The following CCNG2 variants were observed in gnomAD, a reference collection of about 807,000 sequenced individuals.
CCNG2 encodes cyclin G2.
CCNG2 carries 20 observed loss-of-function variants against 36.5 expected under a neutral mutation model. The ratio of observed to expected loss-of-function variants is 0.55; its 90% CI spans 0.39 to 0.80. CCNG2 has a LOEUF of 0.80. Among genes scored for constraint, CCNG2 ranks in the 30% least tolerant of loss-of-function variants. CCNG2 has a pLI of 0.00. For synonymous variants in CCNG2, 155 were observed against 140.1 expected, an observed-to-expected ratio of 1.11 and a Z score of -0.75; for missense variants, 358 against 390.8, an observed-to-expected ratio of 0.92 and a Z score of 0.71.
At position 77,169,171 on chromosome 4, in the gene CCNG2, A is replaced by G. The variant is rs1731705753; in HGVS notation, c.*3247A>G. 1 of 152,120 alleles carries G rather than the reference A, an allele frequency of 6.6e-6. No individual in the cohort carries two copies. The highest frequency in any genetic ancestry group is 2.1e-4 in the South Asian group (1 of 4,832). 9.4% of individuals were successfully genotyped at this position (152,120 alleles called of 1,614,324 possible). A position where few individuals can be genotyped will look rare whatever the true frequency, so the allele number is the denominator to read the frequency against. On this transcript the variant is annotated 3_prime_UTR_variant, in exon 8 of 8. Coordinates refer to ENST00000316355, the MANE Select transcript of CCNG2 (RefSeq NM_004354.3). ...AATTTTAACCATTTTCTTTGTCTAG[A>G]GTCTGCCTTTTTCTTTTTTACAATT...
At chr4:77,158,799 A>G in intron 2 of CCNG2, 129 bp downstream of exon 2, 3 of 860,608 alleles carry the variant, frequency 3.5e-6, no homozygotes, top group East Asian at 5.3e-5. Flanking sequence ...TGGAGTACCA[A>G]GATAAACCTT....
chr4:77,164,477 A>G lies in CCNG2; in HGVS notation c.909A>G (p.Glu303=). The G allele has an allele frequency of 6.2e-7, 1 of 1,612,690 alleles. No individual in the cohort carries two copies. Among genetic ancestry groups the G allele is most frequent in the Non-Finnish European group, 8.5e-7 (1 of 1,178,754 alleles). ...IPEGGCFDES[E]SEDSCEDMSC... is the part of the protein sequence containing the mutation. ...AGGGGGGTTGTTTTGATGAAAGTGAAAGGTAGGCAGGTTCCTTGACTAATT... is the reference window on the plus strand; with the variant it reads ...AGGGGGGTTGTTTTGATGAAAGTGAGAGGTAGGCAGGTTCCTTGACTAATT... The change falls in exon 7 of 8, where the codon GAA becomes GAG. Residue 303 remains glutamate, a splice_region_variant and synonymous_variant. Transcript: ENST00000316355.
At chr4:77,161,044 T>A in intron 4 of CCNG2, 73 bp downstream of exon 4, 1 of 1,127,424 alleles carries the variant, frequency 8.9e-7, no homozygotes, top group Non-Finnish European at 1.2e-6. Context: ...GGAATGGCAA[T>A]GAAATTTATA....
In CCNG2 at chr4:77,158,586, C is replaced by A; in HGVS notation, c.54C>A (p.Leu18=). The change falls in exon 2 of 8, where the codon CTC becomes CTA. Residue 18 remains leucine, a synonymous_variant. Transcript: ENST00000316355. ...HLAGHEGVQL[L]GLLNVYLEQE... ...CAGGTCATGAAGGGGTCCAACTTCT[C>A]GGGTTGTTGAACGTCTACCTGGAAC... 2 of 1,614,102 alleles carry A rather than the reference C, an allele frequency of 1.2e-6. No homozygotes were observed. The highest frequency in any genetic ancestry group is 1.7e-6 in the Non-Finnish European group (2 of 1,180,002).
chr4:77,160,930 G>T lies in CCNG2; in HGVS notation c.486G>T (p.Leu162Phe). The T allele has an allele frequency of 2.5e-6, 4 of 1,608,126 alleles. No homozygotes were observed. The highest frequency in any genetic ancestry group is 3.4e-6 in the Non-Finnish European group (4 of 1,178,808). The change falls in exon 4 of 8, where the codon TTG (leucine) becomes TTT (phenylalanine). Residue 162 changes from leucine (L) to phenylalanine (F), a missense_variant. By Grantham distance (22) the Leu-to-Phe change is conservative. Transcript: ENST00000316355. ...ELEATTALNFLHLYHTIILCH... is the reference protein window; with the variant it reads ...ELEATTALNFFHLYHTIILCH... The stretch of plus-strand genomic sequence containing the variant: ...AAGCTACTACTGCCTTAAACTTTTT[G>T]CACTTATACCATACTATTATACTTT...
chr4:77,165,849 C>T lies in CCNG2; in HGVS notation c.960C>T (p.Ser320=), dbSNP rs752638436. The stretch of plus-strand genomic sequence containing the variant: ...GTTGTGGAGAGGAGAGTCTCAGCAG[C>T]TCTCCTCCCAGTGATCAAGAGTGCA... ...DMSCGEESLS[S]SPPSDQECTF... The change falls in exon 8 of 8, where the codon AGC becomes AGT. Residue 320 remains serine (S), a synonymous_variant. Transcript: ENST00000316355. The T allele has an allele frequency of 4.3e-6, 7 of 1,611,034 alleles. No individual in the cohort carries two copies. The African/African-American group carries it at 8.0e-5, about 18-fold the overall frequency.
intron 6 of CCNG2, among the ~76,000 whole-genome samples, chr4:77,162,580 G>T (rs993880757): frequency 1.3e-5 from 2 of 151,848 alleles, no homozygotes; most frequent in Middle Eastern, 3.4e-3. Context: ...ATGGGGTTTC[G>T]CCATGTTGGC....
At position 77,166,948 on chromosome 4, in the gene CCNG2, A is replaced by G. The variant is rs1271909874; in HGVS notation, c.*1024A>G. On this transcript the variant is annotated 3_prime_UTR_variant, in exon 8 of 8. Coordinates refer to ENST00000316355, the MANE Select transcript of CCNG2 (RefSeq NM_004354.3). Reference sequence around the variant, plus strand: ...AAACTCTGTACATGTAAGATTTTGTACAGAGAATTTTTAACTTTATAAATT... The same window carrying G: ...AAACTCTGTACATGTAAGATTTTGTGCAGAGAATTTTTAACTTTATAAATT... 6.6e-6 allele frequency: 1 copy of G among 152,222 alleles called. No individual in the cohort carries two copies. The highest frequency in any genetic ancestry group is 1.5e-5 in the Non-Finnish European group (1 of 68,034). The allele number at this position is 152,222 out of a possible 1,614,324, so 9.4% of individuals were successfully genotyped here.
chr4:77,163,038 A>G (rs1256369470), intron 6 of CCNG2, among the ~76,000 whole-genome samples: 1 of 152,116 alleles, frequency 6.6e-6, no homozygotes, highest in Non-Finnish European at 1.5e-5. Context: ...TGATGAGAGC[A>G]ATATGATTTT....
chr4:77,161,803 C>A, intron 6 of CCNG2, 56 bp downstream of exon 6: 1 of 1,047,016 alleles, frequency 9.6e-7, no homozygotes, highest in Non-Finnish European at 1.4e-6. Context: ...TTATTTTTTT[C>A]TGTGGTGACT....
In CCNG2 at chr4:77,166,370, C is replaced by T. The variant is rs1577909232; in HGVS notation, c.*446C>T. The T allele has an allele frequency of 6.6e-6, 1 of 152,314 alleles. No individual in the cohort carries two copies. Among genetic ancestry groups the T allele is most frequent in the Admixed American group, 6.5e-5 (1 of 15,274 alleles). 9.4% of individuals were successfully genotyped at this position (152,314 alleles called of 1,614,324 possible). On this transcript the variant is annotated 3_prime_UTR_variant, in exon 8 of 8. Coordinates refer to ENST00000316355, the MANE Select transcript of CCNG2 (RefSeq NM_004354.3). ...GGTTTATCATAGATTTCACCCTCCC[C>T]CCTTCTCAGAAGAGTGAGTATGCTC...
At chr4:77,164,070 C>T (rs1187798335) in intron 6 of CCNG2, among the ~76,000 whole-genome samples, 2 of 152,150 alleles carry the variant, frequency 1.3e-5, no homozygotes, top group African/African-American at 2.4e-5. Flanking sequence ...TTTGGCTGCA[C>T]ATTACAATCA....
In CCNG2 at chr4:77,164,284, C is replaced by G; in HGVS notation, c.716C>G (p.Thr239Ser). 3 of 1,612,854 alleles carry G rather than the reference C, an allele frequency of 1.9e-6. No individual in the cohort carries two copies. Among genetic ancestry groups the G allele is most frequent in the Non-Finnish European group, 1.7e-6 (2 of 1,179,012 alleles). Residue 239 changes from threonine (T) to serine (S), a missense_variant, in exon 7 of 8, where the codon ACT (threonine) becomes AGT (serine). Coordinates refer to ENST00000316355, the MANE Select transcript of CCNG2 (RefSeq NM_004354.3). ...LVKKHSKINDTEFFYWRELVS... is the reference protein window; with the variant it reads ...LVKKHSKINDSEFFYWRELVS... Reference sequence around the variant, plus strand: ...ATATTTTTTTTTCAGATTAATGACACTGAGTTCTTCTACTGGAGAGAGTTG... The same window carrying G: ...ATATTTTTTTTTCAGATTAATGACAGTGAGTTCTTCTACTGGAGAGAGTTG...
At chr4:77,163,812 T>C (rs1045151615) in intron 6 of CCNG2, among the ~76,000 whole-genome samples, 4 of 152,246 alleles carry the variant, frequency 2.6e-5, no homozygotes, top group Non-Finnish European at 5.9e-5. Flanking sequence ...GTTATAAGTG[T>C]GTATTACCAG....
intron 3 of CCNG2, 30 bp from the exon 4 acceptor site, chr4:77,160,691 G>A (rs1462293699): frequency 1.2e-6 from 2 of 1,601,904 alleles, no homozygotes; most frequent in Admixed American, 3.5e-5. Context: ...AGTGACAGTT[G>A]TTAAAAGAAG....
chr4:77,165,820 A>G lies in CCNG2; in HGVS notation c.931A>G (p.Met311Val). The G allele has an allele frequency of 6.2e-7, 1 of 1,600,940 alleles. No individual in the cohort carries two copies. The highest frequency in any genetic ancestry group is 8.5e-7 in the Non-Finnish European group (1 of 1,175,774). ...CTTTAGTGAGGACTCTTGTGAAGATATGAGTTGTGGAGAGGAGAGTCTCAG... is the reference window on the plus strand; with the variant it reads ...CTTTAGTGAGGACTCTTGTGAAGATGTGAGTTGTGGAGAGGAGAGTCTCAG... Reference protein sequence around the residue: ...ESESEDSCEDMSCGEESLSSS... With the variant: ...ESESEDSCEDVSCGEESLSSS... Residue 311 changes from methionine to valine, a missense_variant, in exon 8 of 8, where the codon ATG (methionine) becomes GTG (valine). Transcript: ENST00000316355.
intron 7 of CCNG2, among the ~76,000 whole-genome samples, chr4:77,165,171 A>C (rs1191070483): frequency 6.6e-6 from 1 of 152,168 alleles, no homozygotes; most frequent in Non-Finnish European, 1.5e-5. Flanking sequence ...AAAGGGCCAG[A>C]AGTTTCATTT....
chr4:77,157,902 C>T (rs1325184616), intron 1 of CCNG2, among the ~76,000 whole-genome samples: 1 of 152,100 alleles, frequency 6.6e-6, no homozygotes, highest in Non-Finnish European at 1.5e-5. Flanking sequence ...CTGGACTTCT[C>T]TCCCCGGACC....
At chr4:77,163,648 C>T (rs934515342) in intron 6 of CCNG2, among the ~76,000 whole-genome samples, 3 of 152,072 alleles carry the variant, frequency 2.0e-5, no homozygotes, top group Non-Finnish European at 4.4e-5. Flanking sequence ...TTGAAATAAA[C>T]TGAAGGCATT....
Sources: allele counts gnomAD v4.1 joint callset (sites outside exome capture counted in the v4.1 genomes callset), GRCh38; gene constraint gnomAD v4.1.1; transcripts MANE v1.5; gene names NCBI Gene and HGNC (gene_info 2026-07-23, HGNC 2026-07-21).